SNX31: variants seen among roughly 807,000 people sequenced by gnomAD.
SNX31 encodes the protein sorting nexin-31.
In SNX31, 58 loss-of-function variants were observed where a neutral mutation model predicts 65.4. The ratio of observed to expected loss-of-function variants is 0.89; its 90% CI spans 0.72 to 1.10. The LOEUF (loss-of-function observed/expected upper bound fraction) is 1.10, where lower values mean the gene tolerates loss of function less well. Among genes scored for constraint, SNX31 ranks in the 50% least tolerant of loss-of-function variants. The pLI is 0.00. For missense variants in SNX31, 523 were observed against 529.7 expected (o/e 0.99, Z 0.12); for synonymous variants, 181 against 190.1 (o/e 0.95, Z 0.39).
At chr8:100,582,038 AAAATAAAGAGTTTCTGG>A (rs1813601145) in intron 12 of SNX31, among the ~76,000 whole-genome samples, 1 of 152,240 alleles carries the variant, frequency 6.6e-6, no homozygotes, top group Non-Finnish European at 1.5e-5. Context: ...ATAAGTAAAA[AAAATAAAGAGTTTCTGG>A]AACTAAAACG....
rs1208723187 is a variant in SNX31 at position 100,594,747 on chromosome 8, A to T, written c.978+1892T>A. ...CAAAAACAATTCGGCAGTTTCTTTA[A>T]AAAGTAAACATGCAATTACCGTACG... On this transcript the variant is annotated intron_variant, in intron 10 of 13. Coordinates refer to ENST00000311812, the MANE Select transcript of SNX31 (RefSeq NM_152628.4). This position sits in a 1 kb window ranked among gnomAD's most constrained non-coding sequence, Gnocchi z 4.0. Among the ~76,000 whole-genome samples, 1 of 152,260 alleles carries T rather than the reference A, an allele frequency of 6.6e-6. No individual in the cohort carries two copies. Among genetic ancestry groups the T allele is most frequent in the Non-Finnish European group, 1.5e-5 (1 of 68,046 alleles).
intron 1 of SNX31, among the ~76,000 whole-genome samples, chr8:100,661,037 T>G (rs1693591): frequency 0.6 from 89,201 of 148,780 alleles, 29,465 homozygotes; most frequent in African/African-American, 0.89. Context: ...ACAGGGTCTC[T>G]CTCTGTCGCC....
upstream of SNX31, among the ~76,000 whole-genome samples, chr8:100,652,609 C>A (rs1819994646): frequency 6.6e-6 from 1 of 152,124 alleles, no homozygotes; most frequent in South Asian, 2.1e-4. Context: ...ACTTTGAAAG[C>A]CTTAGGCATT....
Position 100,630,412 on chromosome 8 carries a change from G to T in SNX31, c.257-21C>A. 4 of 1,608,964 alleles carry T rather than the reference G, an allele frequency of 2.5e-6. No individual in the cohort carries two copies. Among genetic ancestry groups the T allele is most frequent in the Non-Finnish European group, 3.4e-6 (4 of 1,177,658 alleles). On this transcript the variant is annotated intron_variant, in intron 3 of 13. Transcript: ENST00000311812. This position sits in a 1 kb window ranked among gnomAD's most constrained non-coding sequence, Gnocchi z 5.3. Reference sequence around the variant, plus strand: ...GGTTACTGAAAAACATGGACGGTGAGCCAGGTTAGCATGGGCTGGGCTGGG... The same window carrying T: ...GGTTACTGAAAAACATGGACGGTGATCCAGGTTAGCATGGGCTGGGCTGGG...
Position 100,629,233 on chromosome 8 carries a change from C to T in SNX31, c.321+1094G>A, listed in dbSNP as rs1818262408. Among the ~76,000 whole-genome samples the T allele has an allele frequency of 6.6e-6, 1 of 152,038 alleles. No homozygotes were observed. The highest frequency in any genetic ancestry group is 1.5e-5 in the Non-Finnish European group (1 of 68,012). ...TGTGCAGAAATGTGTAGCAAAAGAG[C>T]ACTATAAACTATTAGACTATACACA... On this transcript the variant is annotated intron_variant, in intron 4 of 13. Coordinates refer to ENST00000311812, the MANE Select transcript of SNX31 (RefSeq NM_152628.4). The surrounding 1 kb of genome is among the most constrained non-coding windows in gnomAD (Gnocchi z 5.1).
rs532701218 is a variant in SNX31, at chr8:100,641,986, G to T, written c.142-5975C>A. On this transcript the variant is annotated intron_variant, in intron 2 of 13. Coordinates refer to ENST00000311812, the MANE Select transcript of SNX31 (RefSeq NM_152628.4). The stretch of plus-strand genomic sequence containing the variant: ...CCCAGCTACTCGGGAGGCTGAGGCA[G>T]GAGAATGGCGCGAACCCGGGAGGCG... Among the ~76,000 whole-genome samples the T allele has an allele frequency of 3.3e-5, 5 of 152,120 alleles. No homozygotes were observed. In the South Asian group the frequency reaches 1.0e-3, roughly 32 times the overall value.
At chr8:100,607,502 C>T (rs1050559740) in intron 8 of SNX31, among the ~76,000 whole-genome samples, 3 of 152,120 alleles carry the variant, frequency 2.0e-5, no homozygotes, top group African/African-American at 7.2e-5. Flanking sequence ...TTTTCAGGGT[C>T]TACCTAGTGC....
chr8:100,597,579 A>G (rs756539857), intron 9 of SNX31, among the ~76,000 whole-genome samples: 1 of 152,192 alleles, frequency 6.6e-6, no homozygotes, highest in Non-Finnish European at 1.5e-5. Flanking sequence ...GCTGAGATCT[A>G]TGTAGGAAGA....
upstream of SNX31, among the ~76,000 whole-genome samples, chr8:100,654,168 G>A (rs769481921): frequency 2.6e-5 from 4 of 151,950 alleles, no homozygotes; most frequent in South Asian, 2.1e-4. Context: ...CATCACACCC[G>A]GCTAATTTTT....
At position 100,626,277 on chromosome 8, in the gene SNX31, G is replaced by C. The variant is rs988155140; in HGVS notation, c.321+4050C>G. Among the ~76,000 whole-genome samples, 18 of 152,270 alleles carry C rather than the reference G, an allele frequency of 1.2e-4. No homozygotes were observed. The highest frequency in any genetic ancestry group is 3.4e-3 in the Middle Eastern group (1 of 294). ...CAGGAGCTCTTCTCCCCATTTTACA[G>C]ATGGGGAAACTGAGGTACAAAAAGC... On this transcript the variant is annotated intron_variant, in intron 4 of 13. Coordinates refer to ENST00000311812, the MANE Select transcript of SNX31 (RefSeq NM_152628.4). The surrounding 1 kb of genome is among the most constrained non-coding windows in gnomAD (Gnocchi z 4.4).
At chr8:100,603,837 A>C (rs1815889889) in intron 8 of SNX31, among the ~76,000 whole-genome samples, 1 of 151,800 alleles carries the variant, frequency 6.6e-6, no homozygotes, top group South Asian at 2.1e-4. Context: ...TCCTGGGCTT[A>C]AGCCATAGTC....
At chr8:100,611,287 C>A (rs1445307679) in intron 7 of SNX31, among the ~76,000 whole-genome samples, 1 of 152,178 alleles carries the variant, frequency 6.6e-6, no homozygotes, top group African/African-American at 2.4e-5. Context: ...ATTAATGCAG[C>A]CAGTGATGCA....
rs764228334 is a variant in SNX31 at position 100,649,481 on chromosome 8, G to C, written c.34C>G (p.Gln12Glu). 83 of 1,583,470 alleles carry C rather than the reference G, an allele frequency of 5.2e-5. 1 individual carries two copies. In the South Asian group the frequency reaches 8.5e-4, roughly 16 times the overall value. The part of the protein sequence containing the change: ...KMHFCIPVSQ[Q>E]RSDALGGRYV... ...CGGCCCCCCAGCGCGTCGGACCGCTGCTGGGACACCGGGATACAGAAATGC... is the reference window on the plus strand; with the variant it reads ...CGGCCCCCCAGCGCGTCGGACCGCTCCTGGGACACCGGGATACAGAAATGC... Residue 12 changes from glutamine (Q) to glutamate (E), a missense_variant, in exon 1 of 14, where the codon CAG becomes GAG. Gln to Glu is a conservative substitution (Grantham distance 29). Transcript: ENST00000311812.
intron 1 of SNX31, among the ~76,000 whole-genome samples, chr8:100,659,820 C>T (rs1225708874): frequency 6.6e-6 from 1 of 151,982 alleles, no homozygotes; most frequent in Non-Finnish European, 1.5e-5. Flanking sequence ...TATAAGTTAC[C>T]CCCAACCACA....
At chr8:100,589,162 G>A (rs752085374) in intron 10 of SNX31, among the ~76,000 whole-genome samples, 183 bp from the exon 11 acceptor site, 83 of 152,180 alleles carry the variant, frequency 5.5e-4, no homozygotes, top group Non-Finnish European at 9.3e-4. Context: ...TTAACCAGGC[G>A]TGGTGGCAGG....
chr8:100,637,866 T>C (rs1046525761), intron 2 of SNX31, among the ~76,000 whole-genome samples: 1 of 152,156 alleles, frequency 6.6e-6, no homozygotes, highest in Non-Finnish European at 1.5e-5. Flanking sequence ...CAGCTAATTC[T>C]TGTATTTTTA....
chr8:100,645,104 G>T (rs1208234318), intron 2 of SNX31, among the ~76,000 whole-genome samples: 1 of 152,250 alleles, frequency 6.6e-6, no homozygotes, highest in Non-Finnish European at 1.5e-5. Context: ...TAAAGCCAAA[G>T]ATCACACATG....
intron 12 of SNX31, 46 bp downstream of exon 12, chr8:100,584,065 T>G (rs762676839): frequency 1.3e-6 from 2 of 1,558,714 alleles, no homozygotes; most frequent in East Asian, 2.3e-5. Context: ...TGTTGGCTGA[T>G]AGTGGGAACG....
rs1173841895 is a variant in SNX31 at position 100,626,596 on chromosome 8, C to G, written c.321+3731G>C. Among the ~76,000 whole-genome samples the G allele has an allele frequency of 6.6e-6, 1 of 152,166 alleles. No homozygotes were observed. The highest frequency in any genetic ancestry group is 1.5e-5 in the Non-Finnish European group (1 of 68,038). ...ATTCGATGAATTCAACTCAGGCCCC[C>G]TCCCCAGTACTATGTGTCAGCAAAC... is the stretch of plus-strand genomic sequence containing the variant. On this transcript the variant is annotated intron_variant, in intron 4 of 13. Transcript: ENST00000311812. This position sits in a 1 kb window ranked among gnomAD's most constrained non-coding sequence, Gnocchi z 4.4.
Sources: gnomAD v4.1 joint callset for allele counts (sites outside exome capture counted in the v4.1 genomes callset) on GRCh38, gnomAD v4.1.1 for gene constraint, Gnocchi (gnomAD v3.1) non-coding constraint, MANE v1.5 for transcripts, NCBI Gene and HGNC (gene_info 2026-07-23, HGNC 2026-07-21) for gene names.